GPC3: variants seen among roughly 807,000 people sequenced by gnomAD.
GPC3 encodes glypican 3.
In GPC3, 3 loss-of-function variants were observed where a neutral mutation model predicts 34.4. That is an observed-to-expected ratio of 0.09 (90% CI 0.04 to 0.23). The LOEUF (loss-of-function observed/expected upper bound fraction) is 0.23. GPC3 is among the 10% of genes least tolerant of loss of function. The pLI, the probability that GPC3 is intolerant of heterozygous loss-of-function variation, is 1.00. For synonymous variants in GPC3, 177 were observed against 174.0 expected (o/e 1.02, Z -0.13); for missense variants, 351 against 445.6 (o/e 0.79, Z 1.91).
At chrX:133,753,004 A>G (rs1295967520) in intron 3 of GPC3, among the ~76,000 whole-genome samples, 1 of 111,760 alleles carries the variant, frequency 8.9e-6, no homozygotes, top group Non-Finnish European at 1.9e-5. Flanking sequence ...GCAAGTTGCA[A>G]TTTCACTTAA....
chrX:133,723,222 A>G (rs1456494687), intron 3 of GPC3, among the ~76,000 whole-genome samples: 1 of 111,426 alleles, frequency 9.0e-6, no homozygotes, highest in African/African-American at 3.3e-5. Flanking sequence ...CTAGACTCAC[A>G]GACACATGGA....
intron 2 of GPC3, among the ~76,000 whole-genome samples, chrX:133,916,059 C>T (rs1569454301): frequency 9.4e-6 from 1 of 105,970 alleles, no homozygotes; most frequent in African/African-American, 3.5e-5. Flanking sequence ...GCAGGAGAAT[C>T]GATTGAACCT....
chrX:133,814,243 T>C (rs924421156), intron 2 of GPC3, among the ~76,000 whole-genome samples: 1 of 111,263 alleles, frequency 9.0e-6, no homozygotes, highest in African/African-American at 3.3e-5. Flanking sequence ...ACCTCCTCTA[T>C]AATATGATTT....
chrX:133,753,360 G>A, intron 3 of GPC3, 122 bp downstream of exon 3: 1 of 570,180 alleles, frequency 1.8e-6, no homozygotes, highest in Non-Finnish European at 3.1e-6. Flanking sequence ...AGGTCATTCA[G>A]TCCATCATCA....
chrX:133,586,323 A>C (rs1356850077), intron 7 of GPC3, among the ~76,000 whole-genome samples: 1 of 111,478 alleles, frequency 9.0e-6, no homozygotes, highest in Non-Finnish European at 1.9e-5. Context: ...GAGCCCTGGG[A>C]GCTTCGCAAA....
chrX:133,693,460 T>C (rs2071085701), intron 4 of GPC3, among the ~76,000 whole-genome samples: 1 of 111,965 alleles, frequency 8.9e-6, no homozygotes, highest in Admixed American at 9.5e-5. Flanking sequence ...TAAAGCAATG[T>C]TACTGGTAGA....
At chrX:133,872,010 C>A (rs2075995743) in intron 2 of GPC3, among the ~76,000 whole-genome samples, 1 of 111,213 alleles carries the variant, frequency 9.0e-6, no homozygotes, top group African/African-American at 3.3e-5. Context: ...GTGGCACAAT[C>A]ATAGCTCACT....
chrX:133,961,265 G>A (rs890800405), intron 1 of GPC3, among the ~76,000 whole-genome samples: 8 of 111,463 alleles, frequency 7.2e-5, no homozygotes, highest in Non-Finnish European at 1.5e-4. Context: ...CGTGCCTGGG[G>A]CCACCATGGA....
chrX:133,971,963 G>A (rs2076495629), intron 1 of GPC3, among the ~76,000 whole-genome samples: 1 of 111,886 alleles, frequency 8.9e-6, no homozygotes, highest in African/African-American at 3.2e-5. Flanking sequence ...AGCTAAAACT[G>A]GATATTGTTG....
At chrX:133,683,832 G>C (rs1375428972) in intron 5 of GPC3, among the ~76,000 whole-genome samples, 4 of 111,776 alleles carry the variant, frequency 3.6e-5, no homozygotes, top group Non-Finnish European at 1.9e-5. Context: ...GTATTGCCAC[G>C]AGAGTATGTC....
At chrX:133,643,845 TGAGACGGGG>T (rs2070511373) in intron 6 of GPC3, among the ~76,000 whole-genome samples, 28 of 108,890 alleles carry the variant, frequency 2.6e-4, no homozygotes, top group African/African-American at 8.5e-4. Context: ...TTTTTTTTTT[TGAGACGGGG>T]TTTTGCTCTT....
intron 6 of GPC3, among the ~76,000 whole-genome samples, chrX:133,635,080 A>G (rs1173305635): frequency 3.6e-5 from 4 of 111,423 alleles, no homozygotes; most frequent in Non-Finnish European, 7.5e-5. Context: ...TCAAGTTGAC[A>G]CTTTTTAAAA....
At chrX:133,573,932 C>G (rs1355572645) in intron 7 of GPC3, among the ~76,000 whole-genome samples, 1 of 111,976 alleles carries the variant, frequency 8.9e-6, no homozygotes, top group Admixed American at 9.5e-5. Flanking sequence ...TTTCCATCAA[C>G]TGATGAATAG....
chrX:133,852,020 G>A (rs1302362921), intron 2 of GPC3, among the ~76,000 whole-genome samples: 1 of 111,862 alleles, frequency 8.9e-6, no homozygotes, highest in East Asian at 2.8e-4. Context: ...TATGATTTAG[G>A]TATTGATGTA....
At chrX:133,578,081 G>A (rs888791311) in intron 7 of GPC3, among the ~76,000 whole-genome samples, 7 of 111,950 alleles carry the variant, frequency 6.3e-5, no homozygotes, top group South Asian at 3.7e-4. Flanking sequence ...AAACTGTGCC[G>A]GGCACATAGT....
chrX:133,912,536 AG>A (rs1393792542), intron 2 of GPC3, among the ~76,000 whole-genome samples: 1 of 105,149 alleles, frequency 9.5e-6, no homozygotes, highest in Non-Finnish European at 1.9e-5. Flanking sequence ...TGGTGGGGGA[AG>A]GGGGGTGCGT....
At chrX:133,592,807 A>C (rs2069866380) in intron 7 of GPC3, among the ~76,000 whole-genome samples, 1 of 111,816 alleles carries the variant, frequency 8.9e-6, no homozygotes, top group South Asian at 3.8e-4. Context: ...AGTCCTATAA[A>C]GTTGGGGTTA....
intron 2 of GPC3, among the ~76,000 whole-genome samples, chrX:133,807,739 A>C (rs2075643829): frequency 8.9e-6 from 1 of 112,573 alleles, no homozygotes; most frequent in Non-Finnish European, 1.9e-5. Context: ...CAAGAGATGT[A>C]CAAATCTGCA....
At position 133,664,726 on chromosome X, in the gene GPC3, C is replaced by CT. The variant is rs757674724; in HGVS notation, c.1293-2877dup. Among the ~76,000 whole-genome samples, 3 of 107,083 alleles carry CT rather than the reference C, an allele frequency of 2.8e-5. No individual in the cohort carries two copies. The East Asian group carries it at 8.8e-4, about 32-fold the overall frequency. 93.0% of individuals were successfully genotyped at this position (107,083 alleles called of 115,157 possible). ...TTTGTCTCTGATAAGAAAGTGGAAA[C>CT]TTTGACAAAAATATTGAGTTGCAGT... On this transcript the variant is annotated intron_variant, in intron 5 of 7. Transcript: ENST00000370818.
Sources: allele counts gnomAD v4.1 joint callset (sites outside exome capture counted in the v4.1 genomes callset), GRCh38; gene constraint gnomAD v4.1.1; transcripts MANE v1.5; gene names NCBI Gene and HGNC (gene_info 2026-07-23, HGNC 2026-07-21).